Variants in TBCEL observed in about 807,000 individuals in gnomAD.
TBCEL encodes the protein tubulin folding cofactor E like.
Under a neutral mutation model 44.2 loss-of-function variants are expected in TBCEL, and 15 were observed. The ratio of observed to expected loss-of-function variants is 0.34; its 90% CI spans 0.23 to 0.52. The LOEUF (loss-of-function observed/expected upper bound fraction) is 0.52, where lower values mean the gene tolerates loss of function less well. TBCEL is among the 20% of genes least tolerant of loss of function. The pLI, the probability that TBCEL is intolerant of heterozygous loss-of-function variation, is 0.95. For synonymous variants in TBCEL, 171 were observed against 185.4 expected (o/e 0.92, Z 0.63); for missense variants, 319 against 506.3 (o/e 0.63, Z 3.55).
intron 6 of TBCEL, chr11:121,057,488 T>C: frequency 5.3e-6 from 2 of 375,792 alleles, no homozygotes; most frequent in South Asian, 2.1e-5. Flanking sequence ...TTTTTTGTTT[T>C]TGTTTGTTTT....
rs754694599 is a variant in TBCEL at position 121,089,103 on chromosome 11, G to A, written c.*2007G>A. ...CAGATGAGTTTGAGAGAGAAAAAGT[G>A]TAATTGAGCCCTTTGCTTTTGTCAG... On this transcript the variant is annotated 3_prime_UTR_variant, in exon 9 of 9. Coordinates refer to ENST00000683345, the MANE Select transcript of TBCEL (RefSeq NM_001363644.2). The A allele has an allele frequency of 6.6e-6, 1 of 152,158 alleles. No homozygotes were observed. 9.4% of individuals were successfully genotyped at this position (152,158 alleles called of 1,614,324 possible).
At chr11:121,083,023 T>C (rs975835403) in intron 8 of TBCEL, among the ~76,000 whole-genome samples, 22 of 152,326 alleles carry the variant, frequency 1.4e-4, no homozygotes, top group African/African-American at 3.6e-4. Flanking sequence ...ACTGCCTCTC[T>C]CCAGGGCTGT....
chr11:121,039,026 C>A lies in TBCEL; in HGVS notation c.-18+2414C>A, dbSNP rs78341122. Reference sequence around the variant, plus strand: ...CTGCATAAAGATCAATAACCCTCATCCTTGCACTCTAGTCACTGTAATCTC... The same window carrying A: ...CTGCATAAAGATCAATAACCCTCATACTTGCACTCTAGTCACTGTAATCTC... On this transcript the variant is annotated intron_variant, in intron 2 of 8. Coordinates refer to ENST00000683345, the MANE Select transcript of TBCEL (RefSeq NM_001363644.2). Among the ~76,000 whole-genome samples the A allele has an allele frequency of 1.1e-3, 165 of 152,304 alleles. 4 individuals carry two copies. The East Asian group carries it at 0.028, about 26-fold the overall frequency.
chr11:121,046,749 T>G (rs1467067896), intron 3 of TBCEL, among the ~76,000 whole-genome samples: 1 of 152,104 alleles, frequency 6.6e-6, no homozygotes, highest in African/African-American at 2.4e-5. Flanking sequence ...ATGTTTATCC[T>G]TTTTAGTAGA....
intron 8 of TBCEL, among the ~76,000 whole-genome samples, chr11:121,064,444 A>G (rs1244751913): frequency 1.3e-5 from 2 of 152,204 alleles, no homozygotes; most frequent in East Asian, 3.8e-4. Flanking sequence ...CAGACCACCT[A>G]TTTATTCTAA....
chr11:121,045,647 A>T (rs1483864980), intron 2 of TBCEL, 27 bp from the exon 3 acceptor site: 2 of 1,525,306 alleles, frequency 1.3e-6, no homozygotes, highest in African/African-American at 2.8e-5. Context: ...TAATTACATA[A>T]TTTGATTATT....
rs947401298 is a variant in TBCEL at position 121,052,629 on chromosome 11, G to A, written c.274-922G>A. ...ATACTTGTTTAAGCTGATCCTTCTC[G>A]CAGATTGTGCCAACTAGTCTTCAGT... On this transcript the variant is annotated intron_variant, in intron 4 of 8. Coordinates refer to ENST00000683345, the MANE Select transcript of TBCEL (RefSeq NM_001363644.2). Among the ~76,000 whole-genome samples the A allele has an allele frequency of 5.3e-5, 8 of 151,804 alleles. No individual in the cohort carries two copies. In the East Asian group the frequency reaches 1.2e-3, roughly 22 times the overall value.
At chr11:121,027,595 T>C (rs183036378) in intron 1 of TBCEL, among the ~76,000 whole-genome samples, 93 of 152,318 alleles carry the variant, frequency 6.1e-4, no homozygotes, top group African/African-American at 2.2e-3. Context: ...CCTCTGCTCA[T>C]GTACCTTCCT....
chr11:121,087,298 G>C lies in TBCEL; in HGVS notation c.*202G>C. On this transcript the variant is annotated 3_prime_UTR_variant, in exon 9 of 9. Coordinates refer to ENST00000683345, the MANE Select transcript of TBCEL (RefSeq NM_001363644.2). ...TTCTACCACAGATTGATTTGGCTCA[G>C]CCAGCGGAATTGGCCACATTTCCAG... 5 of 568,690 alleles carry C rather than the reference G, an allele frequency of 8.8e-6. No individual in the cohort carries two copies. In the South Asian group the frequency reaches 1.1e-4, roughly 13 times the overall value. 35.2% of individuals were successfully genotyped at this position (568,690 alleles called of 1,614,324 possible). A position where few individuals can be genotyped will look rare whatever the true frequency, so the allele number is the denominator to read the frequency against.
intron 8 of TBCEL, among the ~76,000 whole-genome samples, chr11:121,076,562 A>G (rs1392767386): frequency 6.6e-6 from 1 of 151,986 alleles, no homozygotes; most frequent in African/African-American, 2.4e-5. Context: ...ATTCTAGTAG[A>G]TTTTTAATAA....
In TBCEL at chr11:121,089,484, C is replaced by T. The variant is rs1295523158; in HGVS notation, c.*2388C>T. ...TTTTGATTAAGAGAAAAATGTAATA[C>T]AATTACTGGTCTGAGTTACAGAACA... On this transcript the variant is annotated 3_prime_UTR_variant, in exon 9 of 9. Coordinates refer to ENST00000683345, the MANE Select transcript of TBCEL (RefSeq NM_001363644.2). The T allele has an allele frequency of 3.3e-5, 5 of 152,116 alleles. No individual in the cohort carries two copies. Among genetic ancestry groups the T allele is most frequent in the South Asian group, 2.1e-4 (1 of 4,824 alleles). The allele number at this position is 152,116 out of a possible 1,614,324, so 9.4% of individuals were successfully genotyped here.
At chr11:121,040,209 T>C (rs1945307178) in intron 2 of TBCEL, among the ~76,000 whole-genome samples, 1 of 152,108 alleles carries the variant, frequency 6.6e-6, no homozygotes, top group Admixed American at 6.5e-5. Context: ...GAGGCCTGAA[T>C]CTCCTAGCCA....
chr11:121,042,007 T>G (rs549584588), intron 2 of TBCEL, among the ~76,000 whole-genome samples: 2 of 152,248 alleles, frequency 1.3e-5, no homozygotes, highest in African/African-American at 4.8e-5. Flanking sequence ...TTCCCATGTT[T>G]GCTTCCTTAC....
chr11:121,057,139 C>T (rs890677216), intron 6 of TBCEL, among the ~76,000 whole-genome samples: 2 of 151,808 alleles, frequency 1.3e-5, no homozygotes, highest in South Asian at 4.1e-4. Context: ...AACTTTTCTT[C>T]CTCCTTGATG....
intron 1 of TBCEL, among the ~76,000 whole-genome samples, chr11:121,025,306 C>T (rs1945026029): frequency 6.6e-6 from 1 of 151,938 alleles, no homozygotes; most frequent in African/African-American, 2.4e-5. Flanking sequence ...CTATCTTGAG[C>T]AAAGAGTATG....
intron 5 of TBCEL, chr11:121,054,639 T>G (rs1236606254): frequency 6.5e-6 from 1 of 153,756 alleles, no homozygotes; most frequent in Non-Finnish European, 1.4e-5. Context: ...TCTAAACATT[T>G]GTTCATGTTG....
At chr11:121,075,676 A>G (rs1249132467) in intron 8 of TBCEL, among the ~76,000 whole-genome samples, 1 of 151,922 alleles carries the variant, frequency 6.6e-6, no homozygotes, top group Non-Finnish European at 1.5e-5. Flanking sequence ...GTAATTTTCA[A>G]CGTACAAGTC....
chr11:121,032,199 T>G (rs1199550969), intron 1 of TBCEL, among the ~76,000 whole-genome samples: 1 of 152,214 alleles, frequency 6.6e-6, no homozygotes, highest in Non-Finnish European at 1.5e-5. Flanking sequence ...TTGAATAGCT[T>G]AATGTTTTTC....
intron 6 of TBCEL, among the ~76,000 whole-genome samples, chr11:121,057,077 C>G (rs1212901477): frequency 2.0e-5 from 3 of 151,694 alleles, no homozygotes; most frequent in African/African-American, 7.3e-5. Context: ...GTTTTAAAAT[C>G]CAGTGTTTTG....
Sources: allele counts gnomAD v4.1 joint callset (sites outside exome capture counted in the v4.1 genomes callset), GRCh38; gene constraint gnomAD v4.1.1; transcripts MANE v1.5; gene names NCBI Gene and HGNC (gene_info 2026-07-23, HGNC 2026-07-21).